The following LARP4 variants were observed in gnomAD, a reference collection of about 807,000 sequenced individuals.
LARP4 encodes La ribonucleoprotein 4.
Under a neutral mutation model 92.9 loss-of-function variants are expected in LARP4, and 29 were observed. The ratio of observed to expected loss-of-function variants is 0.31; its 90% CI spans 0.23 to 0.43. The LOEUF (loss-of-function observed/expected upper bound fraction) is 0.43. Among genes scored for constraint, LARP4 ranks in the 20% least tolerant of loss-of-function variants. The probability of loss-of-function intolerance (pLI) is 1.00; values close to 1 mark genes in which losing one functional copy is unlikely to be tolerated. For synonymous variants in LARP4, 279 were observed against 284.1 expected (o/e 0.98, Z 0.18); for missense variants, 732 against 860.0 (o/e 0.85, Z 1.86).
At chr12:50,468,419 G>A (rs1438023048) in intron 13 of LARP4, among the ~76,000 whole-genome samples, 2 of 151,678 alleles carry the variant, frequency 1.3e-5, no homozygotes, top group African/African-American at 2.4e-5. Flanking sequence ...TCAGCCTCCC[G>A]AGTAGCTGGG....
rs1036361871 is a variant in LARP4 at position 50,400,890 on chromosome 12, G to C, written c.-121G>C. The C allele has an allele frequency of 3.7e-6, 5 of 1,347,308 alleles. No homozygotes were observed. Among genetic ancestry groups the C allele is most frequent in the African/African-American group, 2.9e-5 (2 of 69,796 alleles). 83.5% of individuals were successfully genotyped at this position (1,347,308 alleles called of 1,614,324 possible). The stretch of plus-strand genomic sequence containing the variant: ...GCGGCTGACGGCAGGGGAGGAGCCG[G>C]GTCCACTGCCGGGTGGAGGGGCAAG... On this transcript the variant is annotated 5_prime_UTR_variant, in exon 1 of 16. Coordinates refer to ENST00000398473, the MANE Select transcript of LARP4 (RefSeq NM_052879.5).
chr12:50,451,637 C>A (rs1006272906), intron 8 of LARP4, among the ~76,000 whole-genome samples: 1 of 152,126 alleles, frequency 6.6e-6, no homozygotes, highest in Admixed American at 6.5e-5. Flanking sequence ...GAGTTCCAGA[C>A]CAGCCTGGGC....
At chr12:50,433,795 G>A (rs972725594) in intron 4 of LARP4, among the ~76,000 whole-genome samples, 1 of 151,916 alleles carries the variant, frequency 6.6e-6, no homozygotes, top group Non-Finnish European at 1.5e-5. Context: ...ACGCACAACC[G>A]TGCCTGGCTA....
At chr12:50,417,316 A>G (rs1023093868) in intron 1 of LARP4, among the ~76,000 whole-genome samples, 1 of 151,446 alleles carries the variant, frequency 6.6e-6, no homozygotes, top group Non-Finnish European at 1.5e-5. Context: ...CAGAGGATGC[A>G]GTGAGCCGAG....
chr12:50,459,295 G>A (rs1051704894), intron 10 of LARP4, among the ~76,000 whole-genome samples: 2 of 151,794 alleles, frequency 1.3e-5, no homozygotes, highest in Non-Finnish European at 2.9e-5. Context: ...CACCATGCCC[G>A]GCTGAGGCTA....
At chr12:50,474,190 T>A in intron 15 of LARP4, 23 bp downstream of exon 15, 13 of 1,556,544 alleles carry the variant, frequency 8.4e-6, no homozygotes, top group Non-Finnish European at 1.1e-5. Context: ...TTTTAGTTTA[T>A]GTTAAAAAAA....
intron 10 of LARP4, 189 bp downstream of exon 10, chr12:50,454,606 A>G (rs1953881907): frequency 4.6e-6 from 2 of 435,486 alleles, no homozygotes; most frequent in Non-Finnish European, 8.1e-6. Context: ...TTGAGTTGGT[A>G]ATGCATGTAA....
At chr12:50,406,293 G>C (rs996348124) in intron 1 of LARP4, among the ~76,000 whole-genome samples, 1 of 151,838 alleles carries the variant, frequency 6.6e-6, no homozygotes, top group Non-Finnish European at 1.5e-5. Flanking sequence ...AACAAAGTTA[G>C]ACACCCCCCA....
intron 5 of LARP4, among the ~76,000 whole-genome samples, chr12:50,436,885 A>G (rs770256211): frequency 2.0e-5 from 3 of 152,202 alleles, no homozygotes; most frequent in South Asian, 2.1e-4. Flanking sequence ...ACATTAATGG[A>G]ACATTACAGA....
intron 1 of LARP4, chr12:50,421,320 A>AT (rs34819124): frequency 2.0e-6 from 2 of 977,376 alleles, no homozygotes; most frequent in African/African-American, 1.8e-5. Flanking sequence ...TAAGTTTCAT[A>AT]TTTTTTTATG....
intron 1 of LARP4, chr12:50,402,760 T>C (rs1944106383): frequency 2.2e-6 from 1 of 455,668 alleles, no homozygotes; most frequent in Non-Finnish European, 4.4e-6. Context: ...CAGGTCATGC[T>C]GATGTCAAAT....
Position 50,400,961 on chromosome 12 carries a change from G to A in LARP4, c.-50G>A. On this transcript the variant is annotated 5_prime_UTR_variant, in exon 1 of 16. Coordinates refer to ENST00000398473, the MANE Select transcript of LARP4 (RefSeq NM_052879.5). Reference sequence around the variant, plus strand: ...TAGCAATTGGGGCGCGGGCCTGTGAGCCAGTTGGAGTTGCGGCGGCGGGAA... The same window carrying A: ...TAGCAATTGGGGCGCGGGCCTGTGAACCAGTTGGAGTTGCGGCGGCGGGAA... 6.2e-7 allele frequency: 1 copy of A among 1,614,020 alleles called. No homozygotes were observed. Among genetic ancestry groups the A allele is most frequent in the Non-Finnish European group, 8.5e-7 (1 of 1,179,894 alleles).
chr12:50,461,441 T>A, intron 11 of LARP4, 94 bp downstream of exon 11: 2 of 1,144,564 alleles, frequency 1.7e-6, no homozygotes, highest in Non-Finnish European at 2.5e-6. Context: ...AATGAGCATT[T>A]AATTATTGGT....
In LARP4 at chr12:50,427,918, T is replaced by C; in HGVS notation, c.166+9T>C. 6.4e-7 allele frequency: 1 copy of C among 1,563,782 alleles called. No individual in the cohort carries two copies. Among genetic ancestry groups the C allele is most frequent in the South Asian group, 1.2e-5 (1 of 83,368 alleles). ...AGGTGCTCATCCTGAGGGTAAGTCT[T>C]AAATATTTGGTCATAAAAATCACAG... On this transcript the variant is annotated intron_variant, in intron 2 of 15. Transcript: ENST00000398473.
rs770905368 is a variant in LARP4, at chr12:50,430,585, C to T, written c.398+15C>T. The T allele has an allele frequency of 6.6e-7, 1 of 1,505,174 alleles. No individual in the cohort carries two copies. 93.2% of individuals were successfully genotyped at this position (1,505,174 alleles called of 1,614,324 possible). On this transcript the variant is annotated intron_variant, in intron 4 of 15. Coordinates refer to ENST00000398473, the MANE Select transcript of LARP4 (RefSeq NM_052879.5). ...TGTTTTTCACGGTATTGCTGTTTCC[C>T]CTTTATTGAATTTTATTAGTAGATG...
intron 8 of LARP4, among the ~76,000 whole-genome samples, chr12:50,444,821 C>T (rs1951754831): frequency 6.6e-6 from 1 of 152,144 alleles, no homozygotes; most frequent in Non-Finnish European, 1.5e-5. Flanking sequence ...GTATCAGTTC[C>T]TTTCAGCCTA....
intron 3 of LARP4, among the ~76,000 whole-genome samples, chr12:50,429,570 T>C (rs1260583492): frequency 1.3e-5 from 2 of 152,216 alleles, no homozygotes; most frequent in African/African-American, 4.8e-5. Flanking sequence ...TGTGTCTATA[T>C]ATAAACAACT....
intron 1 of LARP4, among the ~76,000 whole-genome samples, chr12:50,411,872 G>A (rs1168672983): frequency 3.3e-5 from 5 of 151,922 alleles, no homozygotes; most frequent in African/African-American, 1.2e-4. Flanking sequence ...GTAGATAAAC[G>A]GGGTTTCACC....
intron 8 of LARP4, among the ~76,000 whole-genome samples, chr12:50,449,790 G>T (rs1418526549): frequency 1.3e-5 from 2 of 152,018 alleles, no homozygotes; most frequent in Non-Finnish European, 2.9e-5. Flanking sequence ...GTTTTTAAAA[G>T]TGTTGATTTT....
Sources: gnomAD v4.1 joint callset for allele counts (sites outside exome capture counted in the v4.1 genomes callset) on GRCh38, gnomAD v4.1.1 for gene constraint, MANE v1.5 for transcripts, NCBI Gene and HGNC (gene_info 2026-07-23, HGNC 2026-07-21) for gene names.